ARHGEF28: variants seen among roughly 807,000 people sequenced by gnomAD.
The protein encoded by ARHGEF28 is 190 kDa guanine nucleotide exchange factor.
ARHGEF28 carries 152 observed loss-of-function variants against 206.6 expected under a neutral mutation model. The observed-to-expected ratio is 0.74, with a 90% confidence interval of 0.64 to 0.84. ARHGEF28 has a LOEUF of 0.84. ARHGEF28 is among the 40% of genes least tolerant of loss of function. ARHGEF28 has a pLI of 0.00. For missense variants in ARHGEF28, 2,028 were observed against 2,073.2 expected, an observed-to-expected ratio of 0.98 and a Z score of 0.42; for synonymous variants, 763 against 776.4, an observed-to-expected ratio of 0.98 and a Z score of 0.29.
At chr5:73,832,518 A>C in intron 10 of ARHGEF28, 59 bp downstream of exon 10, 1 of 1,578,076 alleles carries the variant, frequency 6.3e-7, no homozygotes, top group Non-Finnish European at 8.6e-7. Flanking sequence ...CTGGGTTTGT[A>C]AGAAATAGAT....
At chr5:73,841,266 A>G (rs1170335068) in intron 11 of ARHGEF28, among the ~76,000 whole-genome samples, 1 of 152,230 alleles carries the variant, frequency 6.6e-6, no homozygotes, top group Non-Finnish European at 1.5e-5. Flanking sequence ...ATTAGCTACA[A>G]TTACATCTGC....
intron 24 of ARHGEF28, 116 bp downstream of exon 24, chr5:73,884,000 C>A: frequency 2.0e-6 from 1 of 499,636 alleles, no homozygotes; most frequent in Non-Finnish European, 3.3e-6. Context: ...AGTTTCACGA[C>A]GGAGAAACTG....
intron 35 of ARHGEF28, among the ~76,000 whole-genome samples, chr5:73,915,988 T>C (rs368789077): frequency 5.6e-4 from 86 of 152,362 alleles, no homozygotes; most frequent in African/African-American, 1.9e-3. Flanking sequence ...TTCCTTTTAC[T>C]ACATATTAGA....
At chr5:73,912,100 T>C (rs1405463256) in intron 35 of ARHGEF28, among the ~76,000 whole-genome samples, 1 of 151,966 alleles carries the variant, frequency 6.6e-6, no homozygotes, top group African/African-American at 2.4e-5. Flanking sequence ...TGTCTCTCCA[T>C]AAGTACCTCA....
intron 9 of ARHGEF28, chr5:73,813,394 T>C (rs745807691): frequency 2.6e-6 from 3 of 1,139,376 alleles, no homozygotes; most frequent in Non-Finnish European, 3.5e-6. Flanking sequence ...AGCCTCCTTG[T>C]CGGTCTACAC....
chr5:73,901,318 G>C, intron 31 of ARHGEF28, 34 bp downstream of exon 31: 1 of 1,572,344 alleles, frequency 6.4e-7, no homozygotes, highest in Non-Finnish European at 8.7e-7. Flanking sequence ...AAACGGCAGC[G>C]GTTACTGTGT....
intron 4 of ARHGEF28, among the ~76,000 whole-genome samples, chr5:73,762,014 T>TA (rs1464292451): frequency 1.1e-4 from 17 of 151,162 alleles, no homozygotes; most frequent in Non-Finnish European, 2.1e-4. Context: ...TTTTTTTTTT[T>TA]AGAGATGAAG....
chr5:73,916,064 A>AT (rs534877316), intron 35 of ARHGEF28, among the ~76,000 whole-genome samples: 16 of 151,790 alleles, frequency 1.1e-4, no homozygotes, highest in South Asian at 6.2e-4. Context: ...CATCTTGATA[A>AT]TTTTTTTTTA....
chr5:73,838,321 T>C (rs1264342100), intron 10 of ARHGEF28, among the ~76,000 whole-genome samples: 2 of 152,218 alleles, frequency 1.3e-5, no homozygotes. Flanking sequence ...ATACAAATTC[T>C]GCATATTTAA....
intron 2 of ARHGEF28, among the ~76,000 whole-genome samples, chr5:73,738,648 G>A (rs1270101298): frequency 6.6e-6 from 1 of 152,178 alleles, no homozygotes; most frequent in African/African-American, 2.4e-5. Context: ...GTACAAAGGA[G>A]AGGGACTGCC....
At chr5:73,697,867 A>G (rs564781570) in intron 2 of ARHGEF28, among the ~76,000 whole-genome samples, 1 of 152,288 alleles carries the variant, frequency 6.6e-6, no homozygotes, top group South Asian at 2.1e-4. Context: ...TTGGCAGTGG[A>G]GATGAACATG....
At chr5:73,845,797 C>T (rs1758299019) in intron 11 of ARHGEF28, among the ~76,000 whole-genome samples, 1 of 151,684 alleles carries the variant, frequency 6.6e-6, no homozygotes, top group Non-Finnish European at 1.5e-5. Flanking sequence ...GAGTTTGAGA[C>T]CAGCCTGGGC....
At chr5:73,839,155 A>C (rs1269246440) in intron 10 of ARHGEF28, among the ~76,000 whole-genome samples, 1 of 152,232 alleles carries the variant, frequency 6.6e-6, no homozygotes, top group African/African-American at 2.4e-5. Flanking sequence ...GAGTTGTATC[A>C]GAAGGCATAG....
chr5:73,670,579 C>T (rs931668985), intron 1 of ARHGEF28, among the ~76,000 whole-genome samples: 4 of 152,192 alleles, frequency 2.6e-5, no homozygotes, highest in Non-Finnish European at 5.9e-5. Flanking sequence ...TGCTAAACTG[C>T]TTTCCAGAGT....
rs375946883 is a variant in ARHGEF28, at chr5:73,628,239, G to A, written c.-12+1917G>A. Among the ~76,000 whole-genome samples, 84 of 152,198 alleles carry A rather than the reference G, an allele frequency of 5.5e-4. 1 individual carries two copies. The South Asian group carries it at 0.015, about 28-fold the overall frequency. On this transcript the variant is annotated intron_variant, in intron 1 of 35. Transcript: ENST00000513042. The stretch of plus-strand genomic sequence containing the variant: ...TACATGACCTCCTTTAGTATGCCCC[G>A]TGAGAAAAGACTATGTGTTCTAAGT...
chr5:73,789,175 C>T (rs548900079), intron 7 of ARHGEF28, among the ~76,000 whole-genome samples: 2 of 152,300 alleles, frequency 1.3e-5, no homozygotes, highest in South Asian at 4.1e-4. Flanking sequence ...TCCTATCTAT[C>T]TATCTACCTA....
rs117299535 is a variant in ARHGEF28 at position 73,649,864 on chromosome 5, C to T, written c.-12+23542C>T. ...GTGGCAAAGAAAGGAGGCTGGTGGG[C>T]GAGCCCTTCGTCCCTCTGCAATAAA... On this transcript the variant is annotated intron_variant, in intron 1 of 35. Coordinates refer to ENST00000513042, the MANE Select transcript of ARHGEF28 (RefSeq NM_001177693.2). Among the ~76,000 whole-genome samples the T allele has an allele frequency of 2.2e-3, 339 of 152,216 alleles. 3 individuals carry two copies. The East Asian group carries it at 0.048, about 22-fold the overall frequency.
intron 11 of ARHGEF28, 112 bp from the exon 12 acceptor site, chr5:73,846,156 C>A: frequency 1.1e-6 from 1 of 921,780 alleles, no homozygotes; most frequent in South Asian, 1.6e-5. Flanking sequence ...AAATGAATAC[C>A]TATTGCACCC....
intron 1 of ARHGEF28, among the ~76,000 whole-genome samples, chr5:73,641,907 G>A (rs1293042471): frequency 6.6e-6 from 1 of 152,190 alleles, no homozygotes; most frequent in Non-Finnish European, 1.5e-5. Flanking sequence ...TGTGCTTGGA[G>A]CCTCATGCTA....
Sources: allele counts gnomAD v4.1 joint callset (sites outside exome capture counted in the v4.1 genomes callset), GRCh38; gene constraint gnomAD v4.1.1; transcripts MANE v1.5; gene names NCBI Gene and HGNC (gene_info 2026-07-23, HGNC 2026-07-21).